ATP8B4: variants seen among roughly 807,000 people sequenced by gnomAD.
ATP8B4 encodes ATPase phospholipid transporting 8B4 (putative), also known as probable phospholipid-transporting ATPase IM.
Under a neutral mutation model 145.6 loss-of-function variants are expected in ATP8B4, and 133 were observed. That is an observed-to-expected ratio of 0.91 (90% CI 0.79 to 1.05). The LOEUF (loss-of-function observed/expected upper bound fraction) is 1.05. Among genes scored for constraint, ATP8B4 ranks in the 50% least tolerant of loss-of-function variants. ATP8B4 has a pLI of 0.00. For synonymous variants in ATP8B4, 507 were observed against 492.9 expected (o/e 1.03, Z -0.38); for missense variants, 1,458 against 1,425.2 (o/e 1.02, Z -0.37).
At chr15:50,081,260 C>G (rs1195927263) in intron 2 of ATP8B4, among the ~76,000 whole-genome samples, 2 of 152,060 alleles carry the variant, frequency 1.3e-5, no homozygotes, top group South Asian at 4.1e-4. Context: ...TAAAATAATG[C>G]CACTGTGTGT....
chr15:49,964,527 C>T (rs1296342541), intron 13 of ATP8B4, among the ~76,000 whole-genome samples: 1 of 151,992 alleles, frequency 6.6e-6, no homozygotes, highest in African/African-American at 2.4e-5. Flanking sequence ...GATATTAATA[C>T]CCCCAACTTG....
At chr15:50,123,112 G>A (rs1004625996), upstream of ATP8B4, among the ~76,000 whole-genome samples, 1 of 152,064 alleles carries the variant, frequency 6.6e-6, no homozygotes, top group Non-Finnish European at 1.5e-5. Context: ...GAATCCAAAT[G>A]CGACTACATT....
At chr15:50,057,706 T>C (rs2153619131) in intron 3 of ATP8B4, among the ~76,000 whole-genome samples, 1 of 152,346 alleles carries the variant, frequency 6.6e-6, no homozygotes, top group South Asian at 2.1e-4. Context: ...CAAATCTGCC[T>C]GACAGCATCA....
At chr15:50,022,353 T>C (rs998477176) in intron 6 of ATP8B4, among the ~76,000 whole-genome samples, 9 of 152,184 alleles carry the variant, frequency 5.9e-5, no homozygotes, top group African/African-American at 2.2e-4. Context: ...CATCCTCCTA[T>C]ACATTATATT....
At chr15:49,963,001 T>G (rs541128128) in intron 13 of ATP8B4, among the ~76,000 whole-genome samples, 1 of 152,274 alleles carries the variant, frequency 6.6e-6, no homozygotes, top group African/African-American at 2.4e-5. Context: ...AGAGAAAATT[T>G]TTGCAATCTA....
chr15:50,014,347 T>C (rs2048934708), intron 6 of ATP8B4, among the ~76,000 whole-genome samples: 1 of 152,176 alleles, frequency 6.6e-6, no homozygotes, highest in African/African-American at 2.4e-5. Context: ...CACTCCATCC[T>C]GAGGACTTAG....
At chr15:50,172,820 C>G (rs999744432) in intron 1 of ATP8B4, among the ~76,000 whole-genome samples, 5 of 151,338 alleles carry the variant, frequency 3.3e-5, no homozygotes, top group Non-Finnish European at 5.9e-5. Flanking sequence ...TGAGGAGTGT[C>G]TCTGCCCCGC....
intron 3 of ATP8B4, among the ~76,000 whole-genome samples, chr15:50,052,007 A>G (rs796224707): frequency 6.6e-5 from 10 of 152,342 alleles, no homozygotes; most frequent in African/African-American, 2.4e-4. Flanking sequence ...GAATGGGAAC[A>G]AGGAACAAGG....
At chr15:50,059,503 C>G (rs1346390744) in intron 3 of ATP8B4, among the ~76,000 whole-genome samples, 3 of 152,160 alleles carry the variant, frequency 2.0e-5, no homozygotes, top group Non-Finnish European at 4.4e-5. Context: ...CAAACTAGAT[C>G]CTTTCCCCTG....
intron 13 of ATP8B4, among the ~76,000 whole-genome samples, chr15:49,971,709 T>A (rs2045150562): frequency 6.6e-6 from 1 of 152,200 alleles, no homozygotes; most frequent in Admixed American, 6.5e-5. Flanking sequence ...TGGAAGACAG[T>A]GTGGCAATTC....
chr15:50,130,747 G>A (rs8023371), intron 1 of ATP8B4, among the ~76,000 whole-genome samples: 77,565 of 151,734 alleles, frequency 0.51, 22,025 homozygotes, highest in African/African-American at 0.77. Flanking sequence ...CTGCACTCCA[G>A]CCTGGTGACA....
intron 13 of ATP8B4, among the ~76,000 whole-genome samples, chr15:49,965,893 C>G (rs181271218): frequency 8.6e-4 from 131 of 152,194 alleles, no homozygotes; most frequent in African/African-American, 3.0e-3. Context: ...AGAAGGGAGG[C>G]AATTCTGCAT....
At chr15:50,036,783 T>C (rs1187033437) in intron 6 of ATP8B4, among the ~76,000 whole-genome samples, 1 of 152,210 alleles carries the variant, frequency 6.6e-6, no homozygotes, top group Admixed American at 6.5e-5. Context: ...AGGTTGTGGA[T>C]AATCTCTCAA....
At chr15:49,912,713 A>C (rs1459069976) in intron 20 of ATP8B4, among the ~76,000 whole-genome samples, 2 of 152,164 alleles carry the variant, frequency 1.3e-5, no homozygotes, top group East Asian at 3.9e-4. Flanking sequence ...GAAGAACACA[A>C]CAAAAAAAGA....
chr15:50,087,339 A>AATAG (rs58558934), intron 2 of ATP8B4, among the ~76,000 whole-genome samples: 116,338 of 133,848 alleles, frequency 0.87, 50,826 homozygotes, highest in East Asian at 0.96. Flanking sequence ...ATTTATATAT[A>AATAG]ATATAGATCT....
intron 6 of ATP8B4, among the ~76,000 whole-genome samples, chr15:50,012,046 C>T (rs997168279): frequency 1.3e-5 from 2 of 152,126 alleles, no homozygotes; most frequent in Non-Finnish European, 2.9e-5. Context: ...TCCAAGTACA[C>T]GTTGTTCTGG....
chr15:50,105,389 T>G (rs2056624312), intron 2 of ATP8B4, among the ~76,000 whole-genome samples: 1 of 152,138 alleles, frequency 6.6e-6, no homozygotes, highest in Non-Finnish European at 1.5e-5. Flanking sequence ...GGTGAAGGGT[T>G]TCTGCGTGTT....
chr15:49,878,747 C>G (rs886223420), intron 24 of ATP8B4, among the ~76,000 whole-genome samples: 1 of 152,182 alleles, frequency 6.6e-6, no homozygotes, highest in Non-Finnish European at 1.5e-5. Flanking sequence ...GAAATCCATG[C>G]TCTTTCTTTC....
At chr15:50,035,593 G>A (rs908533167) in intron 6 of ATP8B4, among the ~76,000 whole-genome samples, 1 of 152,122 alleles carries the variant, frequency 6.6e-6, no homozygotes, top group Non-Finnish European at 1.5e-5. Flanking sequence ...AGACTTAAGT[G>A]TGGGAGCACT....
Sources: gnomAD v4.1 joint callset for allele counts (sites outside exome capture counted in the v4.1 genomes callset) on GRCh38, gnomAD v4.1.1 for gene constraint, MANE v1.5 for transcripts, NCBI Gene and HGNC (gene_info 2026-07-23, HGNC 2026-07-21) for gene names.